The following PCDH15 variants were observed in gnomAD, a reference collection of about 807,000 sequenced individuals.
The protein encoded by PCDH15 is protocadherin-15.
A neutral mutation model predicts 178.5 loss-of-function variants in PCDH15; 129 were observed. That is an observed-to-expected ratio of 0.72 (90% CI 0.63 to 0.84). The LOEUF is 0.84. Among genes scored for constraint, PCDH15 ranks in the 40% least tolerant of loss-of-function variants. The pLI, the probability that PCDH15 is intolerant of heterozygous loss-of-function variation, is 0.00. For missense variants in PCDH15, 2,230 were observed against 2,099.9 expected (o/e 1.06, Z -1.21); for synonymous variants, 800 against 732.0 (o/e 1.09, Z -1.50).
At chr10:54,361,412 A>G (rs1408261808) in intron 5 of PCDH15, among the ~76,000 whole-genome samples, 1 of 152,136 alleles carries the variant, frequency 6.6e-6, no homozygotes, top group Non-Finnish European at 1.5e-5. Flanking sequence ...GGATATAATT[A>G]GAAAGCTCAT....
At chr10:55,200,352 T>C (rs2132157828) in intron 1 of PCDH15, among the ~76,000 whole-genome samples, 1 of 152,260 alleles carries the variant, frequency 6.6e-6, no homozygotes, top group East Asian at 1.9e-4. Context: ...GCAAGGGGCC[T>C]GTAGCCTCTT....
chr10:54,443,403 C>G (rs1218854556), intron 3 of PCDH15, among the ~76,000 whole-genome samples: 1 of 151,160 alleles, frequency 6.6e-6, no homozygotes, highest in Admixed American at 6.6e-5. Context: ...GATATAGAGG[C>G]CCATCCTTTA....
intron 1 of PCDH15, among the ~76,000 whole-genome samples, chr10:55,232,824 G>A (rs952279583): frequency 6.6e-6 from 1 of 152,032 alleles, no homozygotes; most frequent in African/African-American, 2.4e-5. Flanking sequence ...CAACAATCAA[G>A]TTACATAAGC....
chr10:53,954,241 AG>A (rs1414265017), intron 23 of PCDH15, among the ~76,000 whole-genome samples: 1 of 152,218 alleles, frequency 6.6e-6, no homozygotes, highest in Admixed American at 6.5e-5. Flanking sequence ...GCAAACCAGT[AG>A]GTTTTTCCTT....
At position 54,273,863 on chromosome 10, in the gene PCDH15, A is replaced by G. The variant is rs181916027; in HGVS notation, c.877-36932T>C. Among the ~76,000 whole-genome samples the G allele has an allele frequency of 2.8e-4, 42 of 152,152 alleles. 1 individual carries two copies. The highest frequency in any genetic ancestry group is 3.1e-4 in the Non-Finnish European group (21 of 67,962). On this transcript the variant is annotated intron_variant, in intron 8 of 37. Transcript: ENST00000644397. Reference sequence around the variant, plus strand: ...GGAACACCCTTTTATTTCCTTCTCTAAGCAAAGACATGGAATCAATCTAAA... The same window carrying G: ...GGAACACCCTTTTATTTCCTTCTCTGAGCAAAGACATGGAATCAATCTAAA...
intron 2 of PCDH15, among the ~76,000 whole-genome samples, chr10:55,334,221 CATATATATAT>C (rs34468887): frequency 1.3e-4 from 8 of 62,880 alleles, no homozygotes; most frequent in Admixed American, 5.7e-4. Context: ...TAGGGTGCTC[CATATATATAT>C]ATATATATAT....
At chr10:55,075,321 T>G (rs1841857488) in intron 2 of PCDH15, among the ~76,000 whole-genome samples, 1 of 132,450 alleles carries the variant, frequency 7.6e-6, no homozygotes, top group Non-Finnish European at 1.7e-5. Flanking sequence ...GAGTTTTGTC[T>G]CTTTATCTTT....
chr10:54,971,225 T>C (rs1454842271), intron 2 of PCDH15, among the ~76,000 whole-genome samples: 1 of 152,082 alleles, frequency 6.6e-6, no homozygotes, highest in Non-Finnish European at 1.5e-5. Flanking sequence ...AAGGCAATAG[T>C]TTTAAGAGGT....
At chr10:55,101,477 C>G (rs1042049623) in intron 2 of PCDH15, among the ~76,000 whole-genome samples, 1 of 150,978 alleles carries the variant, frequency 6.6e-6, no homozygotes, top group Non-Finnish European at 1.5e-5. Context: ...AAATAGACAA[C>G]AGCCTCCAGC....
chr10:54,705,316 T>A (rs981122266), intron 1 of PCDH15, among the ~76,000 whole-genome samples: 1 of 151,684 alleles, frequency 6.6e-6, no homozygotes, highest in African/African-American at 2.4e-5. Flanking sequence ...CTAAAATAAT[T>A]AAAAAAAATA....
At chr10:54,289,299 C>CATTCAGGT (rs1422774770) in intron 8 of PCDH15, among the ~76,000 whole-genome samples, 2 of 152,296 alleles carry the variant, frequency 1.3e-5, no homozygotes, top group East Asian at 3.9e-4. Context: ...AGAAATAAAA[C>CATTCAGGT]TAACAAAGGA....
chr10:53,989,211 T>A (rs1174297455), intron 21 of PCDH15, among the ~76,000 whole-genome samples: 1 of 152,144 alleles, frequency 6.6e-6, no homozygotes, highest in Non-Finnish European at 1.5e-5. Context: ...TATCTGAGTA[T>A]GGACATTTTC....
intron 9 of PCDH15, among the ~76,000 whole-genome samples, chr10:54,229,816 T>C (rs906291947): frequency 2.0e-5 from 3 of 152,214 alleles, no homozygotes; most frequent in Non-Finnish European, 2.9e-5. Context: ...AACGGAATAA[T>C]ATACTAACAT....
rs577655394 is a variant in PCDH15, at chr10:53,802,922, T to C, written c.*3657A>G. The C allele has an allele frequency of 4.5e-4, 68 of 152,008 alleles. No homozygotes were observed. Among genetic ancestry groups the C allele is most frequent in the African/African-American group, 1.6e-3 (65 of 41,534 alleles). The allele number at this position is 152,008 out of a possible 1,614,324, so 9.4% of individuals were successfully genotyped here. The stretch of plus-strand genomic sequence containing the variant: ...AAAGAAATTGGGAAAGCAGTGAAGG[T>C]GTTGATAGATTTTTCAAACTATAGA... On this transcript the variant is annotated 3_prime_UTR_variant, in exon 38 of 38. Transcript: ENST00000644397.
intron 26 of PCDH15, among the ~76,000 whole-genome samples, chr10:53,883,709 C>T (rs1354345709): frequency 6.6e-6 from 1 of 152,104 alleles, no homozygotes; most frequent in Admixed American, 6.6e-5. Context: ...ATAACATTCA[C>T]ATTTAAAAGG....
chr10:53,960,200 T>C (rs558320639), intron 22 of PCDH15, among the ~76,000 whole-genome samples: 1 of 152,274 alleles, frequency 6.6e-6, no homozygotes, highest in Non-Finnish European at 1.5e-5. Flanking sequence ...CCACAGTAAA[T>C]ACACATGATT....
chr10:55,541,710 C>T (rs994332096), intron 2 of PCDH15, among the ~76,000 whole-genome samples: 5 of 151,864 alleles, frequency 3.3e-5, no homozygotes, highest in Admixed American at 1.3e-4. Context: ...ATCCAATCCT[C>T]AAAAGAAGCA....
intron 1 of PCDH15, among the ~76,000 whole-genome samples, chr10:55,314,901 C>T (rs1843684859): frequency 6.6e-6 from 1 of 152,018 alleles, no homozygotes; most frequent in Admixed American, 6.6e-5. Flanking sequence ...GATATTGTTT[C>T]ACAATGAATT....
At chr10:54,350,392 C>G (rs1343611819) in intron 5 of PCDH15, among the ~76,000 whole-genome samples, 1 of 152,124 alleles carries the variant, frequency 6.6e-6, no homozygotes, top group East Asian at 1.9e-4. Context: ...ATTTCTACTA[C>G]TAGATTGTGC....
Sources: allele counts gnomAD v4.1 joint callset (sites outside exome capture counted in the v4.1 genomes callset), GRCh38; gene constraint gnomAD v4.1.1; transcripts MANE v1.5; gene names NCBI Gene and HGNC (gene_info 2026-07-23, HGNC 2026-07-21).